The following FBXW8 variants were observed in gnomAD, a reference collection of about 807,000 sequenced individuals.
The protein encoded by FBXW8 is F-box and WD repeat domain containing 8, also known as F-box/WD repeat-containing protein 8.
In FBXW8, 57 loss-of-function variants were observed where a neutral mutation model predicts 65.3. The ratio of observed to expected loss-of-function variants is 0.87; its 90% CI spans 0.71 to 1.09. FBXW8 has a LOEUF of 1.09. Among genes scored for constraint, FBXW8 ranks in the 50% least tolerant of loss-of-function variants. The pLI is 0.00. For missense variants in FBXW8, 777 were observed against 814.8 expected (o/e 0.95, Z 0.57); for synonymous variants, 308 against 330.2 (o/e 0.93, Z 0.73).
chr12:117,021,111 T>C (rs1032058093), intron 8 of FBXW8, among the ~76,000 whole-genome samples: 1 of 152,222 alleles, frequency 6.6e-6, no homozygotes, highest in Non-Finnish European at 1.5e-5. Context: ...CATGTCTCCC[T>C]GCCACACAGT....
intron 2 of FBXW8, among the ~76,000 whole-genome samples, chr12:116,943,374 T>C (rs908750398): frequency 9.2e-5 from 14 of 152,368 alleles, no homozygotes; most frequent in African/African-American, 2.6e-4. Context: ...GCTATTGTTA[T>C]TTTTGTTGTT....
At chr12:117,024,429 G>A (rs542376513) in intron 9 of FBXW8, 109 bp downstream of exon 9, 93 of 1,284,654 alleles carry the variant, frequency 7.2e-5, no homozygotes, top group South Asian at 7.1e-4. Context: ...CCCCGGCTTC[G>A]CCAGGTGAAT....
intron 1 of FBXW8, among the ~76,000 whole-genome samples, chr12:116,918,009 A>C (rs1431843922): frequency 6.6e-6 from 1 of 151,592 alleles, no homozygotes; most frequent in African/African-American, 2.4e-5. Flanking sequence ...AAAAAACAAA[A>C]AAAAAACAAC....
intron 5 of FBXW8, among the ~76,000 whole-genome samples, chr12:116,983,566 T>C (rs971743229): frequency 2.0e-5 from 3 of 152,154 alleles, no homozygotes; most frequent in African/African-American, 7.2e-5. Flanking sequence ...TGATCCTTTA[T>C]AGTAAGATCC....
At chr12:117,020,677 T>C (rs1055421429) in intron 8 of FBXW8, among the ~76,000 whole-genome samples, 2 of 152,206 alleles carry the variant, frequency 1.3e-5, no homozygotes, top group African/African-American at 4.8e-5. Context: ...GTCTCCATAC[T>C]CCGCTCCCTG....
chr12:117,027,963 G>A (rs1954273697), intron 10 of FBXW8, 65 bp from the exon 11 acceptor site: 1 of 1,603,452 alleles, frequency 6.2e-7, no homozygotes, highest in Admixed American at 1.7e-5. Flanking sequence ...TGCACAGACA[G>A]AAGCGGCTGG....
At position 117,029,143 on chromosome 12, in the gene FBXW8, T is replaced by TA. The variant is rs1250462976; in HGVS notation, c.*972dup. 10 of 152,252 alleles carry TA rather than the reference T, an allele frequency of 6.6e-5. No homozygotes were observed. Among genetic ancestry groups the TA allele is most frequent in the African/African-American group, 2.2e-4 (9 of 41,542 alleles). 9.4% of individuals were successfully genotyped at this position (152,252 alleles called of 1,614,324 possible). ...ATGCGTATGGAATTTCAAATACACA[T>TA]AGACGATGCACAAAAAACCACCCTG... is the stretch of plus-strand genomic sequence containing the variant. On this transcript the variant is annotated 3_prime_UTR_variant, in exon 11 of 11. Transcript: ENST00000652555.
chr12:116,992,782 G>GTGTGTGTGTT (rs1350966848), intron 7 of FBXW8, among the ~76,000 whole-genome samples: 1 of 151,070 alleles, frequency 6.6e-6, no homozygotes, highest in Non-Finnish European at 1.5e-5. Flanking sequence ...GTGTGTGTGT[G>GTGTGTGTGTT]TGTGTGTGTG....
chr12:116,947,736 C>CAAAA (rs60233448), intron 3 of FBXW8, among the ~76,000 whole-genome samples: 2 of 74,496 alleles, frequency 2.7e-5, no homozygotes, highest in Non-Finnish European at 5.9e-5. Context: ...GAGACTGTCT[C>CAAAA]AAAAAAAAAA....
At chr12:116,952,384 A>C (rs1883341099) in intron 4 of FBXW8, among the ~76,000 whole-genome samples, 1 of 152,200 alleles carries the variant, frequency 6.6e-6, no homozygotes, top group African/African-American at 2.4e-5. Context: ...TTCAAAGTGT[A>C]CAATTCAGTG....
At chr12:116,922,111 T>C (rs938040440) in intron 1 of FBXW8, among the ~76,000 whole-genome samples, 1 of 152,226 alleles carries the variant, frequency 6.6e-6, no homozygotes, top group Admixed American at 6.5e-5. Flanking sequence ...ATTACAGATA[T>C]GAGCCACTGT....
At chr12:116,971,698 AAT>A (rs2137405910) in intron 5 of FBXW8, among the ~76,000 whole-genome samples, 1 of 152,166 alleles carries the variant, frequency 6.6e-6, no homozygotes, top group East Asian at 1.9e-4. Context: ...AATTTTTTTA[AAT>A]CTGTGCTTTT....
At chr12:116,926,651 GT>G (rs1188951842) in intron 1 of FBXW8, among the ~76,000 whole-genome samples, 1 of 151,818 alleles carries the variant, frequency 6.6e-6, no homozygotes, top group Non-Finnish European at 1.5e-5. Flanking sequence ...TTTTTTTCCT[GT>G]TTTTTTCTGT....
intron 5 of FBXW8, among the ~76,000 whole-genome samples, chr12:116,973,594 G>A (rs899485815): frequency 1.3e-5 from 2 of 152,152 alleles, no homozygotes; most frequent in African/African-American, 4.8e-5. Context: ...ATCTAATCAC[G>A]AGAAAATATC....
At chr12:116,962,922 T>C (rs1884072387) in intron 4 of FBXW8, among the ~76,000 whole-genome samples, 2 of 152,258 alleles carry the variant, frequency 1.3e-5, no homozygotes, top group South Asian at 4.1e-4. Context: ...GGGTTCCTCA[T>C]TGAGAAGGGT....
chr12:116,958,270 A>G (rs1883776719), intron 4 of FBXW8, among the ~76,000 whole-genome samples: 1 of 152,272 alleles, frequency 6.6e-6, no homozygotes, highest in East Asian at 1.9e-4. Context: ...CATAGAAAAT[A>G]GTAAATACTC....
At chr12:117,011,280 C>T (rs114220304) in intron 8 of FBXW8, among the ~76,000 whole-genome samples, 1,617 of 152,152 alleles carry the variant, frequency 0.011, 35 homozygotes, top group African/African-American at 0.037. Flanking sequence ...GGTGTCAGAT[C>T]GTGAGGCGGG....
chr12:117,006,060 C>T (rs186638943), intron 7 of FBXW8, among the ~76,000 whole-genome samples: 6 of 152,258 alleles, frequency 3.9e-5, no homozygotes, highest in East Asian at 1.9e-4. Context: ...GGAAGCCTTC[C>T]GACTCCTCCT....
chr12:117,009,216 A>G (rs868427037), intron 7 of FBXW8, among the ~76,000 whole-genome samples: 1 of 152,142 alleles, frequency 6.6e-6, no homozygotes, highest in Non-Finnish European at 1.5e-5. Flanking sequence ...TACTTAAAAA[A>G]TTTTTTAAAA....
Sources: allele counts gnomAD v4.1 joint callset (sites outside exome capture counted in the v4.1 genomes callset), GRCh38; gene constraint gnomAD v4.1.1; transcripts MANE v1.5; gene names NCBI Gene and HGNC (gene_info 2026-07-23, HGNC 2026-07-21).